The following TMEM94 variants were observed in gnomAD, a reference collection of about 807,000 sequenced individuals.
TMEM94 encodes ER Mg2+ ATPase.
A neutral mutation model predicts 158.6 loss-of-function variants in TMEM94; 81 were observed. The observed-to-expected ratio is 0.51, with a 90% confidence interval of 0.43 to 0.61. The LOEUF is 0.61. Among genes scored for constraint, TMEM94 ranks in the 20% least tolerant of loss-of-function variants. The pLI, the probability that TMEM94 is intolerant of heterozygous loss-of-function variation, is 0.00. For synonymous variants in TMEM94, 751 were observed against 730.7 expected (o/e 1.03, Z -0.45); for missense variants, 1,435 against 1,762.0 (o/e 0.81, Z 3.32).
chr17:75,465,679 A>ATATATTTTTTTTTTTTTTTTTTTTTTT (rs1247855961), intron 1 of TMEM94, among the ~76,000 whole-genome samples: 1 of 124,822 alleles, frequency 8.0e-6, no homozygotes, highest in African/African-American at 3.5e-5. Context: ...ATATATATAT[A>ATATATTTTTTTTTTTTTTTTTTTTTTT]TTTTTTTTTA....
chr17:75,466,286 T>C (rs1396127875), intron 1 of TMEM94, among the ~76,000 whole-genome samples: 1 of 152,200 alleles, frequency 6.6e-6, no homozygotes, highest in Non-Finnish European at 1.5e-5. Flanking sequence ...TGTGTGAATC[T>C]AGTGCTAGAC....
intron 1 of TMEM94, among the ~76,000 whole-genome samples, chr17:75,461,261 G>A (rs988449293): frequency 1.3e-5 from 2 of 151,856 alleles, no homozygotes; most frequent in East Asian, 3.9e-4. Flanking sequence ...TACCGTGCCC[G>A]GCTAATTTTT....
chr17:75,496,555 C>T (rs1459129272), intron 24 of TMEM94, 84 bp downstream of exon 24: 2 of 1,494,796 alleles, frequency 1.3e-6, no homozygotes, highest in East Asian at 2.3e-5. Context: ...CCTGTTTGAA[C>T]CCGGGGACCT....
chr17:75,477,363 G>A (rs1225135311), intron 2 of TMEM94, among the ~76,000 whole-genome samples: 3 of 152,158 alleles, frequency 2.0e-5, no homozygotes, highest in Non-Finnish European at 4.4e-5. Context: ...ATTGTGTGGA[G>A]TCCAGCTTTG....
At chr17:75,490,673 A>C (rs2052087908) in intron 10 of TMEM94, 29 bp from the exon 11 acceptor site, 1 of 1,609,652 alleles carries the variant, frequency 6.2e-7, no homozygotes, top group African/African-American at 1.3e-5. Context: ...CGTTTTCCTC[A>C]CTGAGGACCT....
chr17:75,463,178 G>GTGTGTGTATATATATA lies in TMEM94; in HGVS notation c.-107+6428_-107+6429insGTGTGTATATATATAT, dbSNP rs1180723796. On this transcript the variant is annotated intron_variant, in intron 1 of 31. Transcript: ENST00000314256. ...TATATATATGTGTGTGTGTGTGTGT[G>GTGTGTGTATATATATA]TATATATATATATATATATACAGTT... 3.3e-4 allele frequency among the ~76,000 whole-genome samples: 5 copies of GTGTGTGTATATATATA among 15,062 alleles called. 1 individual carries two copies. Among genetic ancestry groups the GTGTGTGTATATATATA allele is most frequent in the African/African-American group, 8.3e-4 (5 of 6,036 alleles). 9.9% of individuals were successfully genotyped at this position (15,062 alleles called of 152,430 possible).
In TMEM94 at chr17:75,491,641, C is replaced by A; in HGVS notation, c.1387-50C>A. The stretch of plus-strand genomic sequence containing the variant: ...GGGGACCTAGAAGCATCCTGCCTCC[C>A]CAGGCCATGGGAGCCACTGGTCCTA... On this transcript the variant is annotated intron_variant, in intron 13 of 31. Coordinates refer to ENST00000314256, the MANE Select transcript of TMEM94 (RefSeq NM_014738.6). This position sits in a 1 kb window ranked among gnomAD's most constrained non-coding sequence, Gnocchi z 5.1. 6.3e-7 allele frequency: 1 copy of A among 1,592,600 alleles called. No individual in the cohort carries two copies. Among genetic ancestry groups the A allele is most frequent in the Non-Finnish European group, 8.6e-7 (1 of 1,163,662 alleles).
At chr17:75,460,119 G>A (rs2050015887) in intron 1 of TMEM94, among the ~76,000 whole-genome samples, 2 of 152,248 alleles carry the variant, frequency 1.3e-5, no homozygotes, top group Admixed American at 6.5e-5. Context: ...GATGGCCTGC[G>A]TAAGGAGGAG....
In TMEM94 at chr17:75,495,743, C is replaced by T; in HGVS notation, c.2944+100C>T. The T allele has an allele frequency of 2.6e-6, 3 of 1,175,080 alleles. No individual in the cohort carries two copies. The highest frequency in any genetic ancestry group is 1.3e-5 in the South Asian group (1 of 74,934). 72.8% of individuals were successfully genotyped at this position (1,175,080 alleles called of 1,614,324 possible). A position where few individuals can be genotyped will look rare whatever the true frequency, so the allele number is the denominator to read the frequency against. On this transcript the variant is annotated intron_variant, in intron 22 of 31. Transcript: ENST00000314256. The surrounding 1 kb of genome is among the most constrained non-coding windows in gnomAD (Gnocchi z 5.6). ...TGGGCTCTGGAGGGATGTAGGTTTCCCATGCAGGGAGTAAAGGAACCTGGG... is the reference window on the plus strand; with the variant it reads ...TGGGCTCTGGAGGGATGTAGGTTTCTCATGCAGGGAGTAAAGGAACCTGGG...
intron 2 of TMEM94, among the ~76,000 whole-genome samples, chr17:75,478,649 C>T (rs1434240558): frequency 6.6e-6 from 1 of 152,196 alleles, no homozygotes; most frequent in Non-Finnish European, 1.5e-5. Flanking sequence ...ACAGAGAGAG[C>T]AAGCCCTGTG....
intron 2 of TMEM94, among the ~76,000 whole-genome samples, chr17:75,482,520 ATATATATGTATG>A (rs1410410358): frequency 1.2e-4 from 13 of 111,154 alleles, no homozygotes; most frequent in South Asian, 3.1e-4. Context: ...TTAAAAATAT[ATATATATGTATG>A]TATGTATGTA....
In TMEM94 at chr17:75,489,562, G is replaced by A. The variant is rs376933737; in HGVS notation, c.868-14G>A. ...GGGGCGGGGTCAAGGCTGTGCCTCT[G>A]CTGTTCCCAACAGGCCGGCTTCCTC... On this transcript the variant is annotated splice_polypyrimidine_tract_variant and intron_variant, in intron 8 of 31. Coordinates refer to ENST00000314256, the MANE Select transcript of TMEM94 (RefSeq NM_014738.6). The surrounding 1 kb of genome is among the most constrained non-coding windows in gnomAD (Gnocchi z 5.0). 6.2e-6 allele frequency: 10 copies of A among 1,612,194 alleles called. No homozygotes were observed. The African/African-American group carries it at 9.4e-5, about 15-fold the overall frequency.
chr17:75,457,844 C>G lies in TMEM94; in HGVS notation c.-107+1093C>G, dbSNP rs2049941298. On this transcript the variant is annotated intron_variant, in intron 1 of 31. Transcript: ENST00000314256. The stretch of plus-strand genomic sequence containing the variant: ...TCCAGGGGCTTGAGTTCTTTATCCG[C>G]TAGACCTAGTTGTTTCCTAGGTGTG... 1.3e-5 allele frequency among the ~76,000 whole-genome samples: 2 copies of G among 152,106 alleles called. 1 individual carries two copies. The highest frequency in any genetic ancestry group is 4.1e-4 in the South Asian group (2 of 4,820).
In TMEM94 at chr17:75,498,384, C is replaced by T. The variant is rs2052953111; in HGVS notation, c.3639-60C>T. On this transcript the variant is annotated intron_variant, in intron 28 of 31. Transcript: ENST00000314256. The surrounding 1 kb of genome is among the most constrained non-coding windows in gnomAD (Gnocchi z 6.7). ...CCTCGCCTCGAGGCTTCCTCCCTCC[C>T]CACCCCAGCCTACCTCCCTGCGGCC... The T allele has an allele frequency of 6.2e-7, 1 of 1,611,462 alleles. No homozygotes were observed. The highest frequency in any genetic ancestry group is 8.5e-7 in the Non-Finnish European group (1 of 1,178,690).
intron 2 of TMEM94, among the ~76,000 whole-genome samples, chr17:75,475,673 A>G (rs2050655805): frequency 1.3e-5 from 2 of 152,196 alleles, no homozygotes; most frequent in Admixed American, 1.3e-4. Flanking sequence ...CAGGAGCCCC[A>G]GGTATCTGGC....
At position 75,487,510 on chromosome 17, in the gene TMEM94, G is replaced by C. The variant is rs1163653653; in HGVS notation, c.410-422G>C. On this transcript the variant is annotated intron_variant, in intron 5 of 31. Coordinates refer to ENST00000314256, the MANE Select transcript of TMEM94 (RefSeq NM_014738.6). The surrounding 1 kb of genome is among the most constrained non-coding windows in gnomAD (Gnocchi z 4.6). ...GGTTTGCTCCCTCTTCTGGACTCCT[G>C]CAGCACAGGGATCTTTGTTAATGCT... 1 of 163,922 alleles carries C rather than the reference G, an allele frequency of 6.1e-6. No individual in the cohort carries two copies. Among genetic ancestry groups the C allele is most frequent in the African/African-American group, 2.4e-5 (1 of 41,672 alleles). The allele number at this position is 163,922 out of a possible 1,614,324, so 10.2% of individuals were successfully genotyped here. A position where few individuals can be genotyped will look rare whatever the true frequency, so the allele number is the denominator to read the frequency against.
At chr17:75,462,006 G>GTTTTT (rs1319139834) in intron 1 of TMEM94, among the ~76,000 whole-genome samples, 14 of 100,426 alleles carry the variant, frequency 1.4e-4, no homozygotes, top group African/African-American at 4.4e-4. Context: ...GTTTTGTTTT[G>GTTTTT]TTTTGTTTTT....
At chr17:75,499,176 A>C in intron 31 of TMEM94, 86 bp from the exon 32 acceptor site, 1 of 1,591,508 alleles carries the variant, frequency 6.3e-7, no homozygotes, top group Non-Finnish European at 8.6e-7. Flanking sequence ...TCCGCTGCCC[A>C]TCCCTCCCTC....
chr17:75,481,899 G>A (rs1369568087), intron 2 of TMEM94, among the ~76,000 whole-genome samples: 1 of 152,230 alleles, frequency 6.6e-6, no homozygotes, highest in Non-Finnish European at 1.5e-5. Context: ...TGCCTTTCAT[G>A]GGGCTCTTCT....
Sources: gnomAD v4.1 joint callset for allele counts (sites outside exome capture counted in the v4.1 genomes callset) on GRCh38, gnomAD v4.1.1 for gene constraint, Gnocchi (gnomAD v3.1) non-coding constraint, MANE v1.5 for transcripts, NCBI Gene and HGNC (gene_info 2026-07-23, HGNC 2026-07-21) for gene names.